NAV2: variants seen among roughly 807,000 people sequenced by gnomAD.
NAV2 encodes neuron navigator 2.
NAV2 carries 54 observed loss-of-function variants against 223.2 expected under a neutral mutation model. The observed-to-expected ratio is 0.24, with a 90% CI of 0.19 to 0.30. NAV2 has a LOEUF of 0.30. NAV2 is among the 10% of genes least tolerant of loss of function. The pLI is 1.00. For synonymous variants in NAV2, 1,279 were observed against 1,239.3 expected (o/e 1.03, Z -0.67); for missense variants, 2,806 against 3,147.5 (o/e 0.89, Z 2.60).
chr11:20,020,489 CTCCCTTA>C (rs1433730379), intron 11 of NAV2, among the ~76,000 whole-genome samples: 1 of 152,218 alleles, frequency 6.6e-6, no homozygotes, highest in Admixed American at 6.5e-5. Context: ...TTGCCTGGGT[CTCCCTTA>C]TCCCTACTAA....
chr11:19,739,282 T>C (rs1221246670), intron 1 of NAV2, among the ~76,000 whole-genome samples: 2 of 152,252 alleles, frequency 1.3e-5, no homozygotes, highest in Non-Finnish European at 2.9e-5. Flanking sequence ...AACATTCATA[T>C]ATACTAGATT....
At chr11:19,471,411 G>A (rs16936810) in intron 1 of NAV2, among the ~76,000 whole-genome samples, 4,225 of 152,250 alleles carry the variant, frequency 0.028, 174 homozygotes, top group African/African-American at 0.087. Flanking sequence ...AATAAGAAGC[G>A]ACAGCAATAA....
chr11:19,726,716 G>T (rs182589847), intron 1 of NAV2, among the ~76,000 whole-genome samples: 1 of 152,336 alleles, frequency 6.6e-6, no homozygotes, highest in East Asian at 1.9e-4. Flanking sequence ...TCTGTGGCCT[G>T]GTTGTAATGG....
At chr11:19,752,052 A>T (rs1453567271) in intron 1 of NAV2, among the ~76,000 whole-genome samples, 2 of 152,180 alleles carry the variant, frequency 1.3e-5, no homozygotes, top group African/African-American at 4.8e-5. Flanking sequence ...AAAATAGGCC[A>T]ACAGTCATAT....
At chr11:19,463,736 G>A (rs1338286021) in intron 1 of NAV2, among the ~76,000 whole-genome samples, 2 of 152,158 alleles carry the variant, frequency 1.3e-5, no homozygotes, top group East Asian at 3.9e-4. Flanking sequence ...GAGGGAGAAG[G>A]GCAATCCAGG....
chr11:20,047,730 C>T (rs1032042633), intron 14 of NAV2, among the ~76,000 whole-genome samples: 9 of 152,162 alleles, frequency 5.9e-5, no homozygotes, highest in Non-Finnish European at 1.2e-4. Context: ...ATTGTCTTTA[C>T]AATACTTGAG....
chr11:20,005,255 T>A (rs11025355), intron 11 of NAV2, among the ~76,000 whole-genome samples: 1,560 of 9,302 alleles, frequency 0.17, 35 homozygotes, highest in African/African-American at 0.22. Context: ...ATATATATAT[T>A]TTTTTTTTTT....
intron 1 of NAV2, among the ~76,000 whole-genome samples, chr11:19,644,554 G>T (rs2047764278): frequency 1.3e-5 from 2 of 152,200 alleles, no homozygotes; most frequent in South Asian, 2.1e-4. Flanking sequence ...CATTCCTGTG[G>T]GTTCCTTTGC....
chr11:20,055,996 C>T, intron 19 of NAV2, 39 bp downstream of exon 19: 1 of 1,575,212 alleles, frequency 6.3e-7, no homozygotes, highest in Non-Finnish European at 8.6e-7. Context: ...AGGAAACTTC[C>T]ATCTCCCAGG....
chr11:19,801,897 C>T (rs1187543098), intron 1 of NAV2, among the ~76,000 whole-genome samples: 1 of 152,146 alleles, frequency 6.6e-6, no homozygotes, highest in East Asian at 1.9e-4. Flanking sequence ...GTGTATGCCA[C>T]ATAGTGTGTG....
At chr11:19,997,200 G>A (rs1223752227) in intron 11 of NAV2, among the ~76,000 whole-genome samples, 1 of 152,172 alleles carries the variant, frequency 6.6e-6, no homozygotes. Flanking sequence ...CCTATGGGGT[G>A]CAAAGTTTGA....
intron 29 of NAV2, among the ~76,000 whole-genome samples, chr11:20,094,325 G>C (rs1217702790): frequency 2.1e-5 from 3 of 144,020 alleles, no homozygotes; most frequent in Non-Finnish European, 4.5e-5. Flanking sequence ...TGCCTCCCAG[G>C]TTCAAGCGAT....
At chr11:19,610,860 A>C (rs917136500) in intron 1 of NAV2, among the ~76,000 whole-genome samples, 1 of 152,050 alleles carries the variant, frequency 6.6e-6, no homozygotes, top group African/African-American at 2.4e-5. Context: ...GGGTGGATGG[A>C]TGCATTCATA....
At chr11:19,888,803 C>G (rs904531179) in intron 5 of NAV2, among the ~76,000 whole-genome samples, 1 of 152,150 alleles carries the variant, frequency 6.6e-6, no homozygotes, top group African/African-American at 2.4e-5. Context: ...GCTTTCCCAT[C>G]CCCTACTCAC....
chr11:19,701,425 G>T (rs2049509295), intron 1 of NAV2, among the ~76,000 whole-genome samples: 1 of 152,168 alleles, frequency 6.6e-6, no homozygotes, highest in South Asian at 2.1e-4. Context: ...GGTACCCCTT[G>T]GGAAGGATAA....
At chr11:19,445,759 T>A (rs1259158711) in intron 1 of NAV2, among the ~76,000 whole-genome samples, 2 of 151,760 alleles carry the variant, frequency 1.3e-5, no homozygotes, top group Non-Finnish European at 2.9e-5. Flanking sequence ...TGATTTTTTT[T>A]TTTTTTTTTT....
chr11:19,521,751 G>T (rs944332888), intron 1 of NAV2, among the ~76,000 whole-genome samples: 30 of 152,306 alleles, frequency 2.0e-4, no homozygotes, highest in African/African-American at 6.5e-4. Flanking sequence ...TTCCAGATGA[G>T]GAAGCAGGAA....
At chr11:19,962,944 C>T (rs1328881727) in intron 10 of NAV2, among the ~76,000 whole-genome samples, 4 of 152,182 alleles carry the variant, frequency 2.6e-5, no homozygotes, top group Non-Finnish European at 5.9e-5. Context: ...TGTAATCATC[C>T]AGTCATCTGT....
At chr11:19,350,178 A>T (rs1853230825), upstream of NAV2, among the ~76,000 whole-genome samples, 1 of 152,034 alleles carries the variant, frequency 6.6e-6, no homozygotes, top group Non-Finnish European at 1.5e-5. Context: ...TTATTTCCAG[A>T]ACGTGAGAAG....
Sources: gnomAD v4.1 joint callset for allele counts (sites outside exome capture counted in the v4.1 genomes callset) on GRCh38, gnomAD v4.1.1 for gene constraint, MANE v1.5 for transcripts, NCBI Gene and HGNC (gene_info 2026-07-23, HGNC 2026-07-21) for gene names.